SMC4: variants seen among roughly 807,000 people sequenced by gnomAD.
SMC4 encodes the protein structural maintenance of chromosomes protein 4.
SMC4 carries 87 observed loss-of-function variants against 145.6 expected under a neutral mutation model. That is an observed-to-expected ratio of 0.60 (90% confidence interval 0.50 to 0.71). SMC4 has a LOEUF of 0.71. Ranked by LOEUF, SMC4 falls within the 30% of genes least tolerant of loss-of-function variation. The pLI is 0.00. For missense variants in SMC4, 1,447 were observed against 1,537.1 expected (o/e 0.94, Z 0.98); for synonymous variants, 558 against 500.7 (o/e 1.11, Z -1.53).
chr3:160,409,769 T>C, intron 5 of SMC4, among the ~76,000 whole-genome samples: 1 of 152,174 alleles, frequency 6.6e-6, no homozygotes, highest in Admixed American at 6.5e-5. Context: ...CCACAGGATT[T>C]AAACTACAAC....
chr3:160,424,537 G>A lies in SMC4; in HGVS notation c.2326-330G>A, dbSNP rs1243601357. ...AGATCAGAAGTTTTAGGCTGGGCGC[G>A]GTGGCTCACACCTGTAATCCCAGCA... On this transcript the variant is annotated intron_variant, in intron 15 of 23. Coordinates refer to ENST00000357388, the MANE Select transcript of SMC4 (RefSeq NM_001002800.3). 2.6e-5 allele frequency among the ~76,000 whole-genome samples: 4 copies of A among 152,084 alleles called. No homozygotes were observed. In the East Asian group the frequency reaches 5.8e-4, roughly 22 times the overall value.
chr3:160,401,482 G>C (rs1714648785), intron 2 of SMC4, among the ~76,000 whole-genome samples: 1 of 152,140 alleles, frequency 6.6e-6, no homozygotes, highest in South Asian at 2.1e-4. Flanking sequence ...TGGCAGTGTC[G>C]CTGAAGTTCA....
chr3:160,400,662 C>T (rs1714477464), intron 1 of SMC4, 160 bp from the exon 2 acceptor site: 3 of 879,800 alleles, frequency 3.4e-6, no homozygotes, highest in Non-Finnish European at 4.8e-6. Context: ...CTTCTTGCCA[C>T]TCGTGTCTTT....
Position 160,434,298 on chromosome 3 carries a change from A to T in SMC4, c.*489A>T, listed in dbSNP as rs1266549344. The T allele has an allele frequency of 1.3e-5, 2 of 152,334 alleles. No homozygotes were observed. Among genetic ancestry groups the T allele is most frequent in the Non-Finnish European group, 2.9e-5 (2 of 68,136 alleles). The allele number at this position is 152,334 out of a possible 1,614,324, so 9.4% of individuals were successfully genotyped here. On this transcript the variant is annotated 3_prime_UTR_variant, in exon 24 of 24. Transcript: ENST00000357388. ...AGTCATTCTGAATTATAGTGATGAG[A>T]ATTTAAATATATGCTTTTCTAGAAT...
chr3:160,427,718 A>AT (rs1209688877), intron 17 of SMC4, among the ~76,000 whole-genome samples: 1 of 152,200 alleles, frequency 6.6e-6, no homozygotes, highest in Non-Finnish European at 1.5e-5. Context: ...ATTTTCAACT[A>AT]TTGAACATAT....
chr3:160,402,906 G>A (rs770255063), intron 4 of SMC4, 39 bp downstream of exon 4: 4 of 1,422,022 alleles, frequency 2.8e-6, no homozygotes, highest in South Asian at 2.8e-5. Flanking sequence ...TTCAAGTAAG[G>A]AAAATGGACT....
rs945291766 is a variant in SMC4 at position 160,419,207 on chromosome 3, A to G, written c.1672-151A>G. 4 of 520,272 alleles carry G rather than the reference A, an allele frequency of 7.7e-6. No individual in the cohort carries two copies. The African/African-American group carries it at 7.9e-5, about 10-fold the overall frequency. The allele number at this position is 520,272 out of a possible 1,614,324, so 32.2% of individuals were successfully genotyped here. On this transcript the variant is annotated intron_variant, in intron 11 of 23. Transcript: ENST00000357388. ...CCATATTTTCCACAACCAAACCAGC[A>G]ATTGCCATACAGGTGCTCAGTTTTG... is the stretch of plus-strand genomic sequence containing the variant.
Position 160,419,478 on chromosome 3 carries a change from A to G in SMC4, c.1792A>G (p.Lys598Glu). Residue 598 changes from lysine to glutamate, a missense_variant, in exon 12 of 24, where the codon AAA (lysine) becomes GAA (glutamate). Coordinates refer to ENST00000357388, the MANE Select transcript of SMC4 (RefSeq NM_001002800.3). ...SSLAMNRSRG[K>E]VLDAIIQEKK... ...ATTAGCAATGAATCGAAGTAGGGGG[A>G]AAGTCCTTGATGCAATAATTCAAGA... 1.2e-6 allele frequency: 2 copies of G among 1,610,390 alleles called. No homozygotes were observed. Among genetic ancestry groups the G allele is most frequent in the East Asian group, 2.2e-5 (1 of 44,708 alleles).
In SMC4 at chr3:160,419,500, A is replaced by G. The variant is rs754309722; in HGVS notation, c.1814A>G (p.Gln605Arg). The G allele has an allele frequency of 6.2e-7, 1 of 1,605,156 alleles. No homozygotes were observed. Residue 605 changes from glutamine to arginine, a missense_variant, in exon 12 of 24, where the codon CAA becomes CGA. By Grantham distance (43) the Gln-to-Arg change is conservative. Transcript: ENST00000357388. ...SRGKVLDAII[Q>R]EKKSGRIPGI... ...GGGAAAGTCCTTGATGCAATAATTC[A>G]AGAAAAAAAATCTGGCAGGATTCCA... is the stretch of plus-strand genomic sequence containing the variant.
intron 13 of SMC4, among the ~76,000 whole-genome samples, chr3:160,423,190 T>TA (rs1231040321): frequency 6.6e-6 from 1 of 152,184 alleles, no homozygotes; most frequent in Non-Finnish European, 1.5e-5. Flanking sequence ...GGGATTTTGA[T>TA]ACAGGTTGTA....
chr3:160,428,413 C>A (rs1489046888), intron 17 of SMC4, among the ~76,000 whole-genome samples: 1 of 152,124 alleles, frequency 6.6e-6, no homozygotes, highest in Non-Finnish European at 1.5e-5. Context: ...TTGAGTTAGG[C>A]ACATAGTGTA....
In SMC4 at chr3:160,400,832, C is replaced by G. The variant is rs1247428981; in HGVS notation, c.6C>G (p.Pro2=). Residue 2 remains proline, a synonymous_variant, in exon 2 of 24, where the codon CCC becomes CCG. Coordinates refer to ENST00000357388, the MANE Select transcript of SMC4 (RefSeq NM_001002800.3). M[P]RKGTQPSTAR... is the part of the protein sequence containing the mutation. Reference sequence around the variant, plus strand: ...GTCCCCCGGCCCCAGCGACCATGCCCCGTAAAGGCACCCAGCCCTCCACTG... The same window carrying G: ...GTCCCCCGGCCCCAGCGACCATGCCGCGTAAAGGCACCCAGCCCTCCACTG... 2.0e-6 allele frequency: 3 copies of G among 1,537,378 alleles called. No homozygotes were observed. The East Asian group carries it at 8.0e-5, about 41-fold the overall frequency.
rs1259973843 is a variant in SMC4 at position 160,423,746 on chromosome 3, T to C, written c.2246-15T>C. The C allele has an allele frequency of 1.9e-6, 3 of 1,611,704 alleles. No individual in the cohort carries two copies. Among genetic ancestry groups the C allele is most frequent in the Non-Finnish European group, 2.5e-6 (3 of 1,178,758 alleles). ...GGGAGACATCTGAAGCTGACTTCTC[T>C]CCCCTGTTTTCCAGGTACAATGACT... is the stretch of plus-strand genomic sequence containing the variant. On this transcript the variant is annotated splice_polypyrimidine_tract_variant and intron_variant, in intron 14 of 23. Transcript: ENST00000357388.
At chr3:160,407,381 T>C (rs185574542) in intron 5 of SMC4, among the ~76,000 whole-genome samples, 1 of 152,190 alleles carries the variant, frequency 6.6e-6, no homozygotes, top group Admixed American at 6.5e-5. Context: ...GGTGAAACTA[T>C]GTCTCTATAG....
rs143003540 is a variant in SMC4, at chr3:160,424,897, G to A, written c.2356G>A (p.Asp786Asn). ...CAAAATGGAATCACAGTTGCAAAAC[G>A]ACTCTAAAAAAGCAATGCAAATCCA... ...VNKMESQLQNDSKKAMQIQEQ... is the reference protein window; with the variant it reads ...VNKMESQLQNNSKKAMQIQEQ... The change falls in exon 16 of 24, where the codon GAC (aspartate) becomes AAC (asparagine). Residue 786 changes from aspartate to asparagine, a missense_variant. Physicochemically the swap from Asp to Asn is conservative, Grantham distance 23 (BLOSUM62 1). Transcript: ENST00000357388. 2.3e-4 allele frequency: 378 copies of A among 1,613,896 alleles called. No individual in the cohort carries two copies. Among genetic ancestry groups the A allele is most frequent in the Middle Eastern group, 3.3e-4 (2 of 6,056 alleles).
Position 160,431,070 on chromosome 3 carries a change from G to A in SMC4, c.2979G>A (p.Leu993=), listed in dbSNP as rs770042059. 1.2e-6 allele frequency: 2 copies of A among 1,607,762 alleles called. No homozygotes were observed. The highest frequency in any genetic ancestry group is 2.2e-5 in the East Asian group (1 of 44,572). Residue 993 remains leucine (L), a synonymous_variant, in exon 20 of 24, where the codon CTG becomes CTA. Transcript: ENST00000357388. ...AGATCCAGAAAGAACATCGCAATCT[G>A]CTTCAAGAATTAAAAGTTATTCAAG... is the stretch of plus-strand genomic sequence containing the variant. ...LPEIQKEHRN[L]LQELKVIQEN...
intron 19 of SMC4, 82 bp from the exon 20 acceptor site, chr3:160,430,950 T>G: frequency 5.8e-6 from 8 of 1,386,312 alleles, no homozygotes; most frequent in East Asian, 4.7e-5. Context: ...TGAGGAGAGA[T>G]TGGTAATTCC....
In SMC4 at chr3:160,433,014, T is replaced by A; in HGVS notation, c.3531-12T>A. 1 of 1,592,890 alleles carries A rather than the reference T, an allele frequency of 6.3e-7. No individual in the cohort carries two copies. Among genetic ancestry groups the A allele is most frequent in the South Asian group, 1.1e-5 (1 of 90,180 alleles). On this transcript the variant is annotated splice_polypyrimidine_tract_variant and intron_variant, in intron 22 of 23. Coordinates refer to ENST00000357388, the MANE Select transcript of SMC4 (RefSeq NM_001002800.3). ...ACAGGTAATTTGACTATGATTTTCT[T>A]AATCATTTCAGTGTTCGACCACCTA...
At chr3:160,419,932 G>A (rs1716993020) in intron 12 of SMC4, among the ~76,000 whole-genome samples, 1 of 151,904 alleles carries the variant, frequency 6.6e-6, no homozygotes, top group Non-Finnish European at 1.5e-5. Flanking sequence ...TAGCAAGACT[G>A]TTTTTTAAAA....
Sources: gnomAD v4.1 joint callset for allele counts (sites outside exome capture counted in the v4.1 genomes callset) on GRCh38, gnomAD v4.1.1 for gene constraint, MANE v1.5 for transcripts, NCBI Gene and HGNC (gene_info 2026-07-23, HGNC 2026-07-21) for gene names.